COL23A1: variants seen among roughly 807,000 people sequenced by gnomAD.
The protein encoded by COL23A1 is collagen alpha-1(XXIII) chain.
A neutral mutation model predicts 99.3 loss-of-function variants in COL23A1; 97 were observed. The ratio of observed to expected loss-of-function variants is 0.98; its 90% CI spans 0.83 to 1.16. The LOEUF (loss-of-function observed/expected upper bound fraction) is 1.16. COL23A1 is among the 50% of genes most tolerant of loss of function. The pLI is 0.00. For synonymous variants in COL23A1, 320 were observed against 308.2 expected (o/e 1.04, Z -0.40); for missense variants, 762 against 757.4 (o/e 1.01, Z -0.07).
At chr5:178,527,743 GACGCCCCTGCCC>G (rs1003107101) in intron 2 of COL23A1, among the ~76,000 whole-genome samples, 1 of 152,202 alleles carries the variant, frequency 6.6e-6, no homozygotes, top group Non-Finnish European at 1.5e-5. Context: ...CTGCCACTCA[GACGCCCCTGCCC>G]ACGCCCCTGC....
intron 2 of COL23A1, among the ~76,000 whole-genome samples, chr5:178,354,815 G>C (rs1482355025): frequency 6.6e-6 from 1 of 152,152 alleles, no homozygotes; most frequent in Non-Finnish European, 1.5e-5. Context: ...CTAGCACTTT[G>C]GGAGGCCGAG....
intron 20 of COL23A1, 146 bp downstream of exon 20, chr5:178,248,046 C>G (rs1459068886): frequency 1.4e-6 from 1 of 725,832 alleles, no homozygotes; most frequent in Non-Finnish European, 2.4e-6. Flanking sequence ...ACTCTGTTCT[C>G]AGAGGGGTCT....
intron 2 of COL23A1, among the ~76,000 whole-genome samples, chr5:178,402,378 G>A (rs1021170423): frequency 4.6e-5 from 7 of 152,122 alleles, no homozygotes; most frequent in African/African-American, 1.4e-4. Context: ...TAGCTCTCAC[G>A]AAGACAGAGA....
intron 2 of COL23A1, among the ~76,000 whole-genome samples, chr5:178,363,321 T>C (rs941986758): frequency 2.0e-5 from 3 of 152,080 alleles, no homozygotes; most frequent in African/African-American, 7.2e-5. Flanking sequence ...ATTTTGCATC[T>C]CCAAGTTGTT....
At chr5:178,426,863 A>G (rs1009600566) in intron 2 of COL23A1, among the ~76,000 whole-genome samples, 17 of 152,238 alleles carry the variant, frequency 1.1e-4, no homozygotes, top group African/African-American at 3.9e-4. Flanking sequence ...AGCATACGAG[A>G]GACGCTGCCC....
chr5:178,291,848 A>AAACACTGAT (rs1376889117), intron 3 of COL23A1, among the ~76,000 whole-genome samples: 4 of 152,006 alleles, frequency 2.6e-5, no homozygotes, highest in Non-Finnish European at 5.9e-5. Flanking sequence ...TTTTGGCTTG[A>AAACACTGAT]AACACTGATG....
In COL23A1 at chr5:178,589,236, G is replaced by A. The variant is rs1387861510; in HGVS notation, c.294+668C>T. 6.6e-6 allele frequency among the ~76,000 whole-genome samples: 1 copy of A among 152,090 alleles called. No individual in the cohort carries two copies. The highest frequency in any genetic ancestry group is 1.5e-5 in the Non-Finnish European group (1 of 68,016). ...GGACGGGAAACTCCGGATGTCCTGCGAGCCCACACCCCAGATGGCACCGCC... is the reference window on the plus strand; with the variant it reads ...GGACGGGAAACTCCGGATGTCCTGCAAGCCCACACCCCAGATGGCACCGCC... On this transcript the variant is annotated intron_variant, in intron 1 of 28. Transcript: ENST00000390654. This position sits in a 1 kb window ranked among gnomAD's most constrained non-coding sequence, Gnocchi z 5.4.
intron 1 of COL23A1, among the ~76,000 whole-genome samples, chr5:178,585,594 T>TG (rs369163272): frequency 2.4e-4 from 34 of 143,800 alleles, no homozygotes; most frequent in African/African-American, 8.3e-4. Flanking sequence ...TGGATGGCGC[T>TG]GGGGTAACAC....
intron 2 of COL23A1, among the ~76,000 whole-genome samples, chr5:178,346,529 C>T (rs1760982170): frequency 6.6e-6 from 1 of 152,168 alleles, no homozygotes; most frequent in South Asian, 2.1e-4. Context: ...AGCCACCAGG[C>T]CTGGCCACAA....
rs544306395 is a variant in COL23A1 at position 178,366,046 on chromosome 5, A to T, written c.362-59127T>A. Among the ~76,000 whole-genome samples, 208 of 152,004 alleles carry T rather than the reference A, an allele frequency of 1.4e-3. No homozygotes were observed. The highest frequency in any genetic ancestry group is 1.9e-3 in the Non-Finnish European group (131 of 67,960). On this transcript the variant is annotated intron_variant, in intron 2 of 28. Transcript: ENST00000390654. This position sits in a 1 kb window ranked among gnomAD's most constrained non-coding sequence, Gnocchi z 4.4. The stretch of plus-strand genomic sequence containing the variant: ...TCTTCATCTGAGCTCGCTTCAGATG[A>T]CGCCCCCAGTGCCAGGTGATCATCT...
At chr5:178,551,759 C>A (rs1450410675) in intron 2 of COL23A1, among the ~76,000 whole-genome samples, 1 of 152,286 alleles carries the variant, frequency 6.6e-6, no homozygotes, top group East Asian at 1.9e-4. Flanking sequence ...CCCTGAGCAC[C>A]CCCTCAGGGG....
intron 2 of COL23A1, among the ~76,000 whole-genome samples, chr5:178,316,394 A>G (rs1758985095): frequency 6.6e-6 from 1 of 152,256 alleles, no homozygotes; most frequent in African/African-American, 2.4e-5. Context: ...TGTATCCTAT[A>G]AAATATTTAT....
intron 2 of COL23A1, among the ~76,000 whole-genome samples, chr5:178,342,163 C>A (rs1216754189): frequency 6.6e-6 from 1 of 152,154 alleles, no homozygotes; most frequent in Non-Finnish European, 1.5e-5. Context: ...CTGCTGAGTG[C>A]GGCTGCAGTT....
intron 2 of COL23A1, among the ~76,000 whole-genome samples, chr5:178,406,807 T>C (rs1202806376): frequency 3.3e-5 from 5 of 150,898 alleles, no homozygotes; most frequent in Non-Finnish European, 5.9e-5. Flanking sequence ...TTGATAACTT[T>C]GAAAAATTAG....
In COL23A1 at chr5:178,454,177, C is replaced by T. The variant is rs75431658; in HGVS notation, c.361+106505G>A. On this transcript the variant is annotated intron_variant, in intron 2 of 28. Transcript: ENST00000390654. ...GTTAAAAGGGCTGTTTTCTAAAATA[C>T]CCTGCCCACCCACCCTCAATCTTAC... Among the ~76,000 whole-genome samples, 619 of 145,604 alleles carry T rather than the reference C, an allele frequency of 4.3e-3. 6 individuals carry two copies. The highest frequency in any genetic ancestry group is 0.015 in the African/African-American group (588 of 40,146).
intron 2 of COL23A1, among the ~76,000 whole-genome samples, chr5:178,378,674 C>T (rs1003387900): frequency 2.0e-5 from 3 of 152,160 alleles, no homozygotes; most frequent in Admixed American, 6.6e-5. Context: ...GCAGGATACG[C>T]AGGGATGGAG....
At chr5:178,332,897 A>G (rs1309613536) in intron 2 of COL23A1, among the ~76,000 whole-genome samples, 1 of 151,664 alleles carries the variant, frequency 6.6e-6, no homozygotes, top group Non-Finnish European at 1.5e-5. Context: ...GAGAAGCCAG[A>G]CATCGGGATT....
In COL23A1 at chr5:178,306,349, G is replaced by T. The variant is rs1222897832; in HGVS notation, c.406+526C>A. Among the ~76,000 whole-genome samples, 1 of 152,004 alleles carries T rather than the reference G, an allele frequency of 6.6e-6. No individual in the cohort carries two copies. Among genetic ancestry groups the T allele is most frequent in the Admixed American group, 6.6e-5 (1 of 15,266 alleles). On this transcript the variant is annotated intron_variant, in intron 3 of 28. Coordinates refer to ENST00000390654, the MANE Select transcript of COL23A1 (RefSeq NM_173465.4). The surrounding 1 kb of genome is among the most constrained non-coding windows in gnomAD (Gnocchi z 4.1). ...CTGGGCGAAGGGGGCAATCTGCTGG[G>T]GACTGGGTAGGGGGAGTTCTGGGTG...
intron 1 of COL23A1, among the ~76,000 whole-genome samples, chr5:178,573,115 T>C: frequency 6.6e-6 from 1 of 152,178 alleles, no homozygotes; most frequent in Non-Finnish European, 1.5e-5. Flanking sequence ...GCATTCCCTA[T>C]CTAGACTGTG....
Sources: allele counts gnomAD v4.1 joint callset (sites outside exome capture counted in the v4.1 genomes callset), GRCh38; gene constraint gnomAD v4.1.1; non-coding constraint Gnocchi (gnomAD v3.1); transcripts MANE v1.5; gene names NCBI Gene and HGNC (gene_info 2026-07-23, HGNC 2026-07-21).